Variants in WDR72 observed in about 807,000 individuals in gnomAD.
The protein encoded by WDR72 is WD repeat domain 72.
WDR72 carries 120 observed loss-of-function variants against 124.2 expected under a neutral mutation model. That is an observed-to-expected ratio of 0.97 (90% CI 0.83 to 1.12). The LOEUF is 1.12. Among genes scored for constraint, WDR72 ranks in the 50% most tolerant of loss-of-function variants. The probability of loss-of-function intolerance (pLI) is 0.00; values close to 1 mark genes in which losing one functional copy is unlikely to be tolerated. For synonymous variants in WDR72, 452 were observed against 441.7 expected, an observed-to-expected ratio of 1.02 and a Z score of -0.29; for missense variants, 1,387 against 1,278.8, an observed-to-expected ratio of 1.08 and a Z score of -1.29.
At chr15:53,695,901 A>G (rs2016988893) in intron 13 of WDR72, among the ~76,000 whole-genome samples, 1 of 152,160 alleles carries the variant, frequency 6.6e-6, no homozygotes, top group Non-Finnish European at 1.5e-5. Flanking sequence ...GGCCTCGCAA[A>G]CTTTCCTCTA....
At chr15:53,642,785 A>G (rs1487837027) in intron 14 of WDR72, among the ~76,000 whole-genome samples, 2 of 152,132 alleles carry the variant, frequency 1.3e-5, no homozygotes, top group Non-Finnish European at 2.9e-5. Context: ...ACATCAAGAC[A>G]TGCCATCTAC....
intron 14 of WDR72, among the ~76,000 whole-genome samples, chr15:53,664,728 T>A (rs1253811770): frequency 6.6e-6 from 1 of 152,142 alleles, no homozygotes; most frequent in Non-Finnish European, 1.5e-5. Context: ...GGTTCATAGA[T>A]GTGTTATTTT....
At chr15:53,571,763 A>G (rs1595767066) in intron 18 of WDR72, among the ~76,000 whole-genome samples, 1 of 76,320 alleles carries the variant, frequency 1.3e-5, no homozygotes, top group African/African-American at 4.7e-5. Context: ...CAGCAGTTCT[A>G]TTTTTCATTT....
intron 18 of WDR72, among the ~76,000 whole-genome samples, chr15:53,538,691 A>T (rs1270316212): frequency 6.6e-6 from 1 of 152,172 alleles, no homozygotes; most frequent in African/African-American, 2.4e-5. Flanking sequence ...GTTTATTATA[A>T]AAAGTTTTTT....
chr15:53,694,320 T>C (rs558220828), intron 13 of WDR72, among the ~76,000 whole-genome samples: 3 of 152,290 alleles, frequency 2.0e-5, no homozygotes, highest in Non-Finnish European at 4.4e-5. Context: ...CAGTGATACA[T>C]AGCTTTTGCT....
chr15:53,590,684 C>T (rs1034831482), intron 18 of WDR72, among the ~76,000 whole-genome samples: 5 of 151,978 alleles, frequency 3.3e-5, no homozygotes, highest in South Asian at 2.1e-4. Flanking sequence ...TTTGATTCCC[C>T]GCTCTGCCAC....
rs534842917 is a variant in WDR72, at chr15:53,745,168, T to C, written c.-12-12007A>G. 1.8e-3 allele frequency among the ~76,000 whole-genome samples: 267 copies of C among 152,062 alleles called. 2 individuals are homozygous for C. Among genetic ancestry groups the C allele is most frequent in the Admixed American group, 4.4e-3 (67 of 15,268 alleles). On this transcript the variant is annotated intron_variant, in intron 1 of 19. Transcript: ENST00000360509. Reference sequence around the variant, plus strand: ...TTATCTATAAAATGGAAAAAAAAAATTACCTTGGAGAACTGATGGGGGTAT... The same window carrying C: ...TTATCTATAAAATGGAAAAAAAAAACTACCTTGGAGAACTGATGGGGGTAT...
At chr15:53,598,676 T>C (rs191663686) in intron 17 of WDR72, among the ~76,000 whole-genome samples, 46 of 152,250 alleles carry the variant, frequency 3.0e-4, no homozygotes, top group African/African-American at 9.6e-4. Flanking sequence ...TCCCTGCCCT[T>C]GTCCAGCCCA....
rs1891414169 is a variant in WDR72, at chr15:53,515,527, A to G, written c.*2172T>C. The G allele has an allele frequency of 6.6e-6, 1 of 152,188 alleles. No homozygotes were observed. The highest frequency in any genetic ancestry group is 2.4e-5 in the African/African-American group (1 of 41,458). 9.4% of individuals were successfully genotyped at this position (152,188 alleles called of 1,614,324 possible). ...GCATTGCTTGAATATCTCTAAAACT[A>G]TTTTTAGGAATTAAAAGCTTTCATA... is the stretch of plus-strand genomic sequence containing the variant. On this transcript the variant is annotated 3_prime_UTR_variant, in exon 20 of 20. Transcript: ENST00000360509.
chr15:53,647,973 A>G (rs1034652848), intron 14 of WDR72, among the ~76,000 whole-genome samples: 3 of 152,134 alleles, frequency 2.0e-5, no homozygotes, highest in African/African-American at 4.8e-5. Flanking sequence ...TCCTTCCACT[A>G]CATGAAATGT....
At chr15:53,664,707 A>G (rs113566272) in intron 14 of WDR72, among the ~76,000 whole-genome samples, 4,730 of 152,230 alleles carry the variant, frequency 0.031, 236 homozygotes, top group African/African-American at 0.11. Context: ...ATCTACATGA[A>G]AAAAGCTTTA....
intron 14 of WDR72, among the ~76,000 whole-genome samples, chr15:53,656,461 A>C (rs928522708): frequency 2.6e-5 from 4 of 152,214 alleles, no homozygotes; most frequent in Non-Finnish European, 5.9e-5. Context: ...ATTCCATGAA[A>C]ATAAATGCTT....
chr15:53,601,015 T>C (rs1458575206), intron 17 of WDR72, among the ~76,000 whole-genome samples: 1 of 152,150 alleles, frequency 6.6e-6, no homozygotes, highest in Non-Finnish European at 1.5e-5. Context: ...AAGGTAAACA[T>C]TCAACTTCTA....
intron 13 of WDR72, among the ~76,000 whole-genome samples, chr15:53,693,070 T>A (rs1254316495): frequency 6.6e-6 from 1 of 152,172 alleles, no homozygotes; most frequent in East Asian, 1.9e-4. Flanking sequence ...ATGAAAATCG[T>A]ATACTGGTTA....
At chr15:53,547,567 T>C (rs1393127664) in intron 18 of WDR72, among the ~76,000 whole-genome samples, 4 of 152,180 alleles carry the variant, frequency 2.6e-5, no homozygotes, top group African/African-American at 7.2e-5. Context: ...AAGAGCTAAA[T>C]ATTTACACAA....
At chr15:53,726,901 T>C (rs1030262778) in intron 2 of WDR72, among the ~76,000 whole-genome samples, 1 of 151,178 alleles carries the variant, frequency 6.6e-6, no homozygotes, top group African/African-American at 2.5e-5. Context: ...TTCCCCTATC[T>C]CATGTGTGAA....
intron 14 of WDR72, among the ~76,000 whole-genome samples, chr15:53,632,587 G>T (rs932937755): frequency 3.3e-5 from 5 of 152,194 alleles, no homozygotes; most frequent in African/African-American, 9.6e-5. Context: ...AGATTCACCA[G>T]TAGCTTGCAT....
chr15:53,705,365 A>C, intron 10 of WDR72, 132 bp from the exon 11 acceptor site: 2 of 805,700 alleles, frequency 2.5e-6, no homozygotes, highest in Non-Finnish European at 2.0e-6. Flanking sequence ...TATTGCCAGC[A>C]TTCATCTCTT....
intron 13 of WDR72, among the ~76,000 whole-genome samples, chr15:53,676,780 T>A (rs11633602): frequency 0.22 from 33,346 of 152,148 alleles, 3,828 homozygotes; most frequent in East Asian, 0.28. Context: ...GGTGTTGTTT[T>A]GAGCTGCTAA....
Sources: gnomAD v4.1 joint callset for allele counts (sites outside exome capture counted in the v4.1 genomes callset) on GRCh38, gnomAD v4.1.1 for gene constraint, MANE v1.5 for transcripts, NCBI Gene and HGNC (gene_info 2026-07-23, HGNC 2026-07-21) for gene names.